MGLL: variants seen among roughly 807,000 people sequenced by gnomAD.
The protein encoded by MGLL is monoglyceride lipase, also known as lysophospholipase homolog.
In MGLL, 7 loss-of-function variants were observed where a neutral mutation model predicts 29.1. The observed-to-expected ratio is 0.24, with a 90% CI of 0.14 to 0.45. The LOEUF (loss-of-function observed/expected upper bound fraction) is 0.45. Among genes scored for constraint, MGLL ranks in the 20% least tolerant of loss-of-function variants. The pLI, the probability that MGLL is intolerant of heterozygous loss-of-function variation, is 0.99. For synonymous variants in MGLL, 148 were observed against 168.3 expected (o/e 0.88, Z 0.93); for missense variants, 356 against 413.6 (o/e 0.86, Z 1.21).
At chr3:127,792,796 G>T (rs2077323474) in intron 2 of MGLL, among the ~76,000 whole-genome samples, 1 of 152,192 alleles carries the variant, frequency 6.6e-6, no homozygotes, top group Non-Finnish European at 1.5e-5. Flanking sequence ...TGCCTCTCCT[G>T]CGTGTGCATG....
At chr3:127,730,186 G>A (rs2076123475) in intron 3 of MGLL, among the ~76,000 whole-genome samples, 1 of 152,138 alleles carries the variant, frequency 6.6e-6, no homozygotes, top group Admixed American at 6.5e-5. Flanking sequence ...GGTAGGGGTG[G>A]AGACTGTTGC....
At chr3:127,781,270 ATG>A (rs1452726406) in intron 3 of MGLL, among the ~76,000 whole-genome samples, 1 of 152,206 alleles carries the variant, frequency 6.6e-6, no homozygotes, top group South Asian at 2.1e-4. Flanking sequence ...ATGTGTGCAA[ATG>A]TGTGTATGAC....
intron 2 of MGLL, among the ~76,000 whole-genome samples, chr3:127,799,250 T>C (rs1484023394): frequency 6.6e-6 from 1 of 152,206 alleles, no homozygotes; most frequent in Non-Finnish European, 1.5e-5. Context: ...ATAAGTAGCC[T>C]GAGCATCAGT....
intron 3 of MGLL, among the ~76,000 whole-genome samples, chr3:127,753,886 T>C (rs185298871): frequency 1.3e-5 from 2 of 152,300 alleles, no homozygotes; most frequent in Admixed American, 1.3e-4. Flanking sequence ...CACTCTTCCT[T>C]GGTGATGGGT....
At chr3:127,765,730 G>C (rs1225620597) in intron 3 of MGLL, among the ~76,000 whole-genome samples, 2 of 152,258 alleles carry the variant, frequency 1.3e-5, no homozygotes, top group Non-Finnish European at 2.9e-5. Context: ...GGCTGATGAA[G>C]AAGAGTGTTC....
intron 5 of MGLL, chr3:127,710,894 C>A (rs1267020200): frequency 5.4e-6 from 3 of 559,066 alleles, no homozygotes; most frequent in Non-Finnish European, 9.6e-6. Context: ...GGCCAGGCAG[C>A]CGCTGCGCCC....
intron 3 of MGLL, among the ~76,000 whole-genome samples, chr3:127,757,874 A>C (rs2076692302): frequency 6.6e-6 from 1 of 152,188 alleles, no homozygotes. Context: ...AGAAACGCAC[A>C]CTTGCTTACA....
intron 3 of MGLL, among the ~76,000 whole-genome samples, chr3:127,779,229 T>C (rs1235304456): frequency 1.3e-5 from 2 of 152,024 alleles, no homozygotes; most frequent in Admixed American, 6.5e-5. Context: ...TAGCCGGGCA[T>C]AGTGGCAGGC....
chr3:127,700,949 G>A (rs1015029970), intron 6 of MGLL, among the ~76,000 whole-genome samples: 5 of 152,006 alleles, frequency 3.3e-5, no homozygotes, highest in Admixed American at 6.6e-5. Flanking sequence ...GCACGGTGGT[G>A]CATGCCTGTA....
Position 127,737,630 on chromosome 3 carries a change from C to CTTTTTTTTTTTTTTTTTTTTTTTTT in MGLL, c.263-15089_263-15065dup, listed in dbSNP as rs774965066. Among the ~76,000 whole-genome samples, 23 of 68,608 alleles carry CTTTTTTTTTTTTTTTTTTTTTTTTT rather than the reference C, an allele frequency of 3.4e-4. 5 individuals carry two copies. Among genetic ancestry groups the CTTTTTTTTTTTTTTTTTTTTTTTTT allele is most frequent in the African/African-American group, 1.5e-3 (20 of 13,578 alleles). The allele number at this position is 68,608 out of a possible 152,430, so 45.0% of individuals were successfully genotyped here. On this transcript the variant is annotated intron_variant, in intron 3 of 7. Transcript: ENST00000265052. ...GACACAGTGAAATCATCAACTGCTT[C>CTTTTTTTTTTTTTTTTTTTTTTTTT]TTTTTTTTTTTTTTTTTTTTTTTTT...
intron 3 of MGLL, among the ~76,000 whole-genome samples, chr3:127,729,139 A>G (rs1301089921): frequency 6.6e-6 from 1 of 151,676 alleles, no homozygotes; most frequent in Non-Finnish European, 1.5e-5. Flanking sequence ...GTTTCTTTTG[A>G]GATTCTTATT....
Position 127,761,122 on chromosome 3 carries a change from C to G in MGLL, c.262+20667G>C, listed in dbSNP as rs114841019. Among the ~76,000 whole-genome samples the G allele has an allele frequency of 2.3e-3, 351 of 152,358 alleles. 3 individuals carry two copies. Among genetic ancestry groups the G allele is most frequent in the Middle Eastern group, 0.017 (5 of 294 alleles). The stretch of plus-strand genomic sequence containing the variant: ...TCTGCAAGCCTTCACTGAGCAGCTG[C>G]TATGAGCAAGGTGCCACACAGATGC... On this transcript the variant is annotated intron_variant, in intron 3 of 7. Coordinates refer to ENST00000265052, the MANE Select transcript of MGLL (RefSeq NM_007283.7). The surrounding 1 kb of genome is among the most constrained non-coding windows in gnomAD (Gnocchi z 4.6).
intron 2 of MGLL, among the ~76,000 whole-genome samples, chr3:127,795,802 T>C (rs2077373461): frequency 6.6e-6 from 1 of 152,136 alleles, no homozygotes; most frequent in African/African-American, 2.4e-5. Flanking sequence ...AAAAGGAATA[T>C]GGGTCATTGC....
intron 3 of MGLL, among the ~76,000 whole-genome samples, chr3:127,723,251 A>G (rs1180910939): frequency 6.6e-6 from 1 of 152,048 alleles, no homozygotes; most frequent in Non-Finnish European, 1.5e-5. Flanking sequence ...TATAGAAACA[A>G]CTCACTGGCT....
At chr3:127,701,817 T>C (rs1311480832) in intron 6 of MGLL, among the ~76,000 whole-genome samples, 1 of 152,160 alleles carries the variant, frequency 6.6e-6, no homozygotes, top group African/African-American at 2.4e-5. Context: ...GTTTCCACCA[T>C]CCCCTTCCAC....
chr3:127,760,023 G>C (rs1024189914), intron 3 of MGLL, among the ~76,000 whole-genome samples: 1 of 152,194 alleles, frequency 6.6e-6, no homozygotes, highest in Non-Finnish European at 1.5e-5. Context: ...TAGACGGCTT[G>C]GTTTTCTGCG....
chr3:127,767,562 A>T (rs1422188312), intron 3 of MGLL, among the ~76,000 whole-genome samples: 3 of 152,222 alleles, frequency 2.0e-5, no homozygotes, highest in African/African-American at 4.8e-5. Context: ...CACTCGATGA[A>T]TCTTTTTTGA....
chr3:127,737,706 G>T (rs576445908), intron 3 of MGLL, among the ~76,000 whole-genome samples: 1 of 131,618 alleles, frequency 7.6e-6, no homozygotes, highest in South Asian at 2.4e-4. Flanking sequence ...GTGCAATGGC[G>T]CAATCTTGGC....
At position 127,821,747 on chromosome 3, in the gene MGLL, A is replaced by G. The variant is rs2077864444; in HGVS notation, c.102T>C (p.Asn34=). The G allele has an allele frequency of 6.2e-7, 1 of 1,614,004 alleles. No homozygotes were observed. Among genetic ancestry groups the G allele is most frequent in the South Asian group, 1.1e-5 (1 of 91,086 alleles). ...IPYQDLPHLV[N]ADGQYLFCRY... ...TGCAGAAGAGGTACTGTCCGTCTGC[A>G]TTGACCAGGTGAGGGAGGTCCTGGT... Residue 34 remains asparagine, a synonymous_variant, in exon 2 of 8, where the codon AAT becomes AAC. Coordinates refer to ENST00000265052, the MANE Select transcript of MGLL (RefSeq NM_007283.7).
Sources: gnomAD v4.1 joint callset for allele counts (sites outside exome capture counted in the v4.1 genomes callset) on GRCh38, gnomAD v4.1.1 for gene constraint, Gnocchi (gnomAD v3.1) non-coding constraint, MANE v1.5 for transcripts, NCBI Gene and HGNC (gene_info 2026-07-23, HGNC 2026-07-21) for gene names.